VEPH1: variants seen among roughly 807,000 people sequenced by gnomAD.
VEPH1 encodes the protein ventricular zone-expressed PH domain-containing protein homolog 1.
A neutral mutation model predicts 85.2 loss-of-function variants in VEPH1; 80 were observed. That is an observed-to-expected ratio of 0.94 (90% confidence interval 0.78 to 1.13). The LOEUF is 1.13. Among genes scored for constraint, VEPH1 ranks in the 50% most tolerant of loss-of-function variants. The pLI is 0.00. For missense variants in VEPH1, 955 were observed against 980.5 expected (o/e 0.97, Z 0.35); for synonymous variants, 297 against 348.0 (o/e 0.85, Z 1.63).
chr3:157,282,217 A>G (rs562765320), intron 12 of VEPH1, among the ~76,000 whole-genome samples: 1 of 152,116 alleles, frequency 6.6e-6, no homozygotes, highest in South Asian at 2.1e-4. Flanking sequence ...ATTTAGAGAC[A>G]GGGTCTATGC....
At chr3:157,456,265 T>C (rs937861920) in intron 4 of VEPH1, among the ~76,000 whole-genome samples, 4 of 152,224 alleles carry the variant, frequency 2.6e-5, no homozygotes, top group Non-Finnish European at 4.4e-5. Flanking sequence ...TATTAGACCT[T>C]TGTCAGATGC....
At chr3:157,309,825 G>C (rs908207794) in intron 11 of VEPH1, among the ~76,000 whole-genome samples, 76 of 151,890 alleles carry the variant, frequency 5.0e-4, no homozygotes, top group African/African-American at 1.7e-3. Flanking sequence ...TGTTTCCCAG[G>C]CTGGAGTGCA....
At chr3:157,489,005 T>C in intron 2 of VEPH1, 1 of 324,358 alleles carries the variant, frequency 3.1e-6, no homozygotes, top group South Asian at 2.3e-5. Flanking sequence ...CTTCAGCAAA[T>C]CCTGTTGGTC....
At chr3:157,400,368 G>GA (rs1388039479) in intron 6 of VEPH1, among the ~76,000 whole-genome samples, 1 of 151,684 alleles carries the variant, frequency 6.6e-6, no homozygotes, top group Non-Finnish European at 1.5e-5. Context: ...CCACCCTTGA[G>GA]AAAAAAAGCA....
chr3:157,339,958 T>G (rs905944815), intron 9 of VEPH1, among the ~76,000 whole-genome samples: 2 of 152,210 alleles, frequency 1.3e-5, no homozygotes, highest in East Asian at 1.9e-4. Context: ...TTTAATTTGT[T>G]ATTACATCTG....
intron 6 of VEPH1, 30 bp downstream of exon 6, chr3:157,413,851 G>A (rs1731701582): frequency 6.2e-7 from 1 of 1,606,632 alleles, no homozygotes; most frequent in African/African-American, 1.3e-5. Flanking sequence ...GTGCAATTCA[G>A]GGGAATGGAG....
At chr3:157,473,042 A>G (rs1185195593) in intron 2 of VEPH1, among the ~76,000 whole-genome samples, 1 of 123,404 alleles carries the variant, frequency 8.1e-6, no homozygotes, top group Non-Finnish European at 1.8e-5. Context: ...AGAACTTTTA[A>G]TTAGTTTTTG....
chr3:157,408,749 G>C (rs1731319875), intron 6 of VEPH1, among the ~76,000 whole-genome samples: 1 of 152,132 alleles, frequency 6.6e-6, no homozygotes, highest in African/African-American at 2.4e-5. Flanking sequence ...GGTAAGATAA[G>C]TAGGAGAAGA....
intron 4 of VEPH1, among the ~76,000 whole-genome samples, chr3:157,450,052 T>TG (rs1476204669): frequency 1.0e-5 from 1 of 99,780 alleles, no homozygotes; most frequent in Non-Finnish European, 1.9e-5. Context: ...TATTTACTTT[T>TG]TTTTTTTTTT....
chr3:157,301,250 T>G (rs565890466), intron 11 of VEPH1, among the ~76,000 whole-genome samples: 28 of 152,318 alleles, frequency 1.8e-4, no homozygotes, highest in African/African-American at 5.8e-4. Flanking sequence ...TGTTCTGTTT[T>G]TTGAAGGCGA....
chr3:157,354,824 T>C (rs544489363), intron 9 of VEPH1, among the ~76,000 whole-genome samples: 3 of 152,226 alleles, frequency 2.0e-5, no homozygotes, highest in Non-Finnish European at 4.4e-5. Context: ...ATGAATCTGC[T>C]ATTCACCTGT....
intron 2 of VEPH1, among the ~76,000 whole-genome samples, chr3:157,486,387 C>A (rs1577789144): frequency 6.6e-6 from 1 of 150,626 alleles, no homozygotes; most frequent in Non-Finnish European, 1.5e-5. Context: ...TCCCAGCTAC[C>A]CAGGAGGCTG....
chr3:157,474,397 C>T (rs185570692), intron 2 of VEPH1, among the ~76,000 whole-genome samples: 114 of 151,830 alleles, frequency 7.5e-4, no homozygotes, highest in Non-Finnish European at 1.5e-3. Context: ...GATCCCTGTT[C>T]CTTTTGGTTT....
intron 4 of VEPH1, among the ~76,000 whole-genome samples, chr3:157,453,611 G>C (rs1446039261): frequency 6.6e-6 from 1 of 152,096 alleles, no homozygotes; most frequent in Non-Finnish European, 1.5e-5. Flanking sequence ...TTAGTGTACT[G>C]CAAGGCAATG....
chr3:157,473,930 C>A (rs548498857), intron 2 of VEPH1, among the ~76,000 whole-genome samples: 1 of 152,104 alleles, frequency 6.6e-6, no homozygotes, highest in Admixed American at 6.5e-5. Context: ...ATTACAGAAA[C>A]AAATTTCCCA....
intron 6 of VEPH1, chr3:157,409,883 T>G (rs1467901794): frequency 1.0e-6 from 1 of 985,300 alleles, no homozygotes; most frequent in Non-Finnish European, 1.2e-6. Flanking sequence ...ACTCTGCTCT[T>G]CTTAAAGATC....
chr3:157,425,525 T>C (rs562914410), intron 5 of VEPH1, among the ~76,000 whole-genome samples: 3 of 152,268 alleles, frequency 2.0e-5, no homozygotes, highest in South Asian at 4.2e-4. Flanking sequence ...TTCGGAGCTT[T>C]AATATTTGAC....
chr3:157,485,588 G>T (rs141204960), intron 2 of VEPH1, among the ~76,000 whole-genome samples: 1 of 151,496 alleles, frequency 6.6e-6, no homozygotes, highest in Admixed American at 6.6e-5. Context: ...AAAATTTTCA[G>T]AAAAAATATA....
intron 11 of VEPH1, among the ~76,000 whole-genome samples, chr3:157,295,127 A>G (rs933083400): frequency 6.6e-6 from 1 of 152,218 alleles, no homozygotes; most frequent in Admixed American, 6.5e-5. Context: ...GATGTGTAAG[A>G]TGACATCTGG....
Sources: allele counts gnomAD v4.1 joint callset (sites outside exome capture counted in the v4.1 genomes callset), GRCh38; gene constraint gnomAD v4.1.1; transcripts MANE v1.5; gene names NCBI Gene and HGNC (gene_info 2026-07-23, HGNC 2026-07-21).